RBFOX1: variants seen among roughly 807,000 people sequenced by gnomAD.
RBFOX1 encodes the protein RNA binding fox-1 homolog 1, also known as RNA binding protein fox-1 homolog 1.
A neutral mutation model predicts 57.7 loss-of-function variants in RBFOX1; 8 were observed. The ratio of observed to expected loss-of-function variants is 0.14; its 90% CI spans 0.08 to 0.25. The LOEUF (loss-of-function observed/expected upper bound fraction) is 0.25, where lower values mean the gene tolerates loss of function less well. Among genes scored for constraint, RBFOX1 ranks in the 10% least tolerant of loss-of-function variants. The probability of loss-of-function intolerance (pLI) is 1.00; values close to 1 mark genes in which losing one functional copy is unlikely to be tolerated. For missense variants in RBFOX1, 611 were observed against 548.5 expected (o/e 1.11, Z -1.14); for synonymous variants, 326 against 222.4 (o/e 1.47, Z -4.15).
rs760546621 is a variant in RBFOX1, at chr16:6,317,043, C to T, written c.-78C>T. The T allele has an allele frequency of 1.9e-5, 29 of 1,535,236 alleles. No individual in the cohort carries two copies. The South Asian group carries it at 1.9e-4, about 10-fold the overall frequency. On this transcript the variant is annotated 5_prime_UTR_variant, in exon 2 of 16. Transcript: ENST00000550418. ...AAGTGGAACTTACAGCTTCCTTGAT[C>T]GGACTCAGCATTCAGTAAGTGCAAC... is the stretch of plus-strand genomic sequence containing the variant.
chr16:6,520,379 G>T (rs1191796272), intron 2 of RBFOX1, among the ~76,000 whole-genome samples: 1 of 152,096 alleles, frequency 6.6e-6, no homozygotes, highest in African/African-American at 2.4e-5. Flanking sequence ...GTCCTAATGA[G>T]GTTGTGTTTT....
intron 11 of RBFOX1, among the ~76,000 whole-genome samples, chr16:7,648,997 T>A (rs1264399577): frequency 6.6e-6 from 1 of 152,174 alleles, no homozygotes; most frequent in Non-Finnish European, 1.5e-5. Flanking sequence ...TAAGTTTCAG[T>A]TGTGTTACAG....
At chr16:6,211,259 C>T (rs552888129) in intron 1 of RBFOX1, among the ~76,000 whole-genome samples, 93 of 112,580 alleles carry the variant, frequency 8.3e-4, no homozygotes, top group African/African-American at 1.6e-3. Flanking sequence ...GATGGAGTCT[C>T]GCTTTGTCGC....
intron 4 of RBFOX1, among the ~76,000 whole-genome samples, chr16:7,349,310 C>T (rs961546210): frequency 6.6e-6 from 1 of 152,154 alleles, no homozygotes; most frequent in African/African-American, 2.4e-5. Context: ...TTCTCTCAAA[C>T]CAAACGCATG....
intron 4 of RBFOX1, among the ~76,000 whole-genome samples, chr16:7,096,851 G>C (rs1217366086): frequency 7.0e-6 from 1 of 142,774 alleles, no homozygotes; most frequent in Non-Finnish European, 1.5e-5. Flanking sequence ...AGAATCACTT[G>C]AACCCGGGAG....
At chr16:5,374,529 C>T (rs1303236427) in intron 1 of RBFOX1, among the ~76,000 whole-genome samples, 1 of 152,040 alleles carries the variant, frequency 6.6e-6, no homozygotes, top group Admixed American at 6.5e-5. Context: ...CTGGAAGAAT[C>T]ACAGGGAGTG....
intron 3 of RBFOX1, among the ~76,000 whole-genome samples, chr16:5,798,715 C>T (rs534042080): frequency 6.6e-6 from 1 of 152,282 alleles, no homozygotes; most frequent in African/African-American, 2.4e-5. Context: ...ATTTGCTACT[C>T]GTTCCACTTT....
chr16:6,696,052 C>T lies in RBFOX1; in HGVS notation c.-16+41402C>T, dbSNP rs73535603. On this transcript the variant is annotated intron_variant, in intron 3 of 15. Transcript: ENST00000550418. ...GCAAAGACGTTTACCTTGCTTGAGG[C>T]AATTGTTGTATCTAGAAAACTGTGA... Among the ~76,000 whole-genome samples the T allele has an allele frequency of 2.5e-3, 382 of 152,280 alleles. 1 individual carries two copies. Among genetic ancestry groups the T allele is most frequent in the African/African-American group, 9.0e-3 (373 of 41,560 alleles).
At chr16:7,376,796 T>A (rs991524088) in intron 4 of RBFOX1, among the ~76,000 whole-genome samples, 1 of 152,186 alleles carries the variant, frequency 6.6e-6, no homozygotes. Flanking sequence ...TCTTGGCTGA[T>A]GTCCCTTGCA....
At chr16:6,271,684 A>T (rs531294264) in intron 1 of RBFOX1, among the ~76,000 whole-genome samples, 2 of 152,196 alleles carry the variant, frequency 1.3e-5, no homozygotes, top group Non-Finnish European at 2.9e-5. Flanking sequence ...CCACAAACTT[A>T]TCTTTGACAA....
intron 3 of RBFOX1, among the ~76,000 whole-genome samples, chr16:5,762,994 T>G (rs2053641528): frequency 6.6e-6 from 1 of 152,232 alleles, no homozygotes; most frequent in African/African-American, 2.4e-5. Context: ...TCCTTTTTGC[T>G]TTTTGGTATA....
chr16:5,527,881 G>A (rs944877355), intron 2 of RBFOX1, among the ~76,000 whole-genome samples: 11 of 152,076 alleles, frequency 7.2e-5, no homozygotes, highest in Non-Finnish European at 4.4e-5. Context: ...ATTAGATATC[G>A]GTTTAATTGT....
chr16:7,279,672 C>A (rs528566644), intron 4 of RBFOX1, among the ~76,000 whole-genome samples: 1 of 152,328 alleles, frequency 6.6e-6, no homozygotes, highest in Admixed American at 6.5e-5. Flanking sequence ...TATCTATGGT[C>A]ACATCATTCT....
At chr16:7,031,276 C>G (rs138157446) in intron 3 of RBFOX1, among the ~76,000 whole-genome samples, 4 of 152,172 alleles carry the variant, frequency 2.6e-5, no homozygotes, top group African/African-American at 9.6e-5. Context: ...GGTTGTTTAA[C>G]CTTTGTGACT....
intron 1 of RBFOX1, among the ~76,000 whole-genome samples, chr16:6,161,138 C>T (rs533567578): frequency 6.6e-6 from 1 of 152,248 alleles, no homozygotes; most frequent in South Asian, 2.1e-4. Context: ...CTTGTCATCC[C>T]AGCACTTGGG....
intron 1 of RBFOX1, among the ~76,000 whole-genome samples, chr16:6,249,521 C>G (rs751480060): frequency 1.3e-5 from 2 of 151,908 alleles, no homozygotes; most frequent in African/African-American, 2.4e-5. Context: ...GAGACTCCAT[C>G]TCAAAAAAAC....
At position 6,892,853 on chromosome 16, in the gene RBFOX1, C is replaced by T. The variant is rs1267627983; in HGVS notation, c.-15-159204C>T. Reference sequence around the variant, plus strand: ...ATTCTGCTTCAGGGTGTTCTGTGCCCCCCTCCCCTGTCTGATTTCTGTCTC... The same window carrying T: ...ATTCTGCTTCAGGGTGTTCTGTGCCTCCCTCCCCTGTCTGATTTCTGTCTC... On this transcript the variant is annotated intron_variant, in intron 3 of 15. Coordinates refer to ENST00000550418, the MANE Select transcript of RBFOX1 (RefSeq NM_018723.4). Among the ~76,000 whole-genome samples the T allele has an allele frequency of 1.0e-4, 15 of 147,160 alleles. No homozygotes were observed. In the Admixed American group the frequency reaches 1.0e-3, roughly 10 times the overall value.
At chr16:6,930,193 A>T (rs1048800267) in intron 3 of RBFOX1, among the ~76,000 whole-genome samples, 1 of 152,228 alleles carries the variant, frequency 6.6e-6, no homozygotes, top group African/African-American at 2.4e-5. Context: ...AGGGATTAAT[A>T]TTGAGAATAT....
intron 4 of RBFOX1, among the ~76,000 whole-genome samples, chr16:7,058,019 A>C (rs918193471): frequency 2.1e-4 from 32 of 151,524 alleles, no homozygotes; most frequent in Non-Finnish European, 4.4e-4. Flanking sequence ...AAAAAAAAAA[A>C]AAACACGAAA....
Sources: allele counts gnomAD v4.1 joint callset (sites outside exome capture counted in the v4.1 genomes callset), GRCh38; gene constraint gnomAD v4.1.1; transcripts MANE v1.5; gene names NCBI Gene and HGNC (gene_info 2026-07-23, HGNC 2026-07-21).